Variants in ARSB observed in about 807,000 individuals in gnomAD.
ARSB encodes the protein arylsulfatase B, also known as N-acetylgalactosamine-4-sulfatase.
ARSB carries 41 observed loss-of-function variants against 50.9 expected under a neutral mutation model. That is an observed-to-expected ratio of 0.81 (90% CI 0.63 to 1.04). The LOEUF is 1.04. Among genes scored for constraint, ARSB ranks in the 50% least tolerant of loss-of-function variants. The pLI, the probability that ARSB is intolerant of heterozygous loss-of-function variation, is 0.00. For synonymous variants in ARSB, 269 were observed against 284.8 expected (o/e 0.94, Z 0.56); for missense variants, 672 against 693.3 (o/e 0.97, Z 0.35).
At chr5:78,832,322 T>G (rs2112698238) in intron 6 of ARSB, among the ~76,000 whole-genome samples, 1 of 152,300 alleles carries the variant, frequency 6.6e-6, no homozygotes, top group Non-Finnish European at 1.5e-5. Flanking sequence ...AGTGGACAGC[T>G]GGGAACCACC....
chr5:78,930,554 G>C (rs548029085), intron 4 of ARSB, among the ~76,000 whole-genome samples: 1 of 152,336 alleles, frequency 6.6e-6, no homozygotes, highest in East Asian at 1.9e-4. Flanking sequence ...ATTACAGTCA[G>C]TTAAGAGTGT....
At chr5:78,955,974 T>G (rs747330363) in intron 3 of ARSB, among the ~76,000 whole-genome samples, 4 of 152,286 alleles carry the variant, frequency 2.6e-5, no homozygotes, top group Non-Finnish European at 5.9e-5. Flanking sequence ...GAAGAAACAT[T>G]TTGGCAGTTC....
At chr5:78,791,740 T>C (rs1161446104) in intron 6 of ARSB, among the ~76,000 whole-genome samples, 1 of 152,266 alleles carries the variant, frequency 6.6e-6, no homozygotes, top group Admixed American at 6.5e-5. Flanking sequence ...TTAAAAATAA[T>C]CGTGGACCTA....
At chr5:78,850,592 T>A (rs1021246669) in intron 5 of ARSB, among the ~76,000 whole-genome samples, 9 of 152,178 alleles carry the variant, frequency 5.9e-5, no homozygotes, top group African/African-American at 1.9e-4. Flanking sequence ...TTAGGGAGGA[T>A]TCTCTCTTTT....
At chr5:78,976,961 T>G (rs1001984148) in intron 1 of ARSB, among the ~76,000 whole-genome samples, 3 of 152,170 alleles carry the variant, frequency 2.0e-5, no homozygotes, top group Admixed American at 6.5e-5. Context: ...GAGCTTTGCT[T>G]CTGTTGCTCC....
intron 4 of ARSB, 144 bp from the exon 5 acceptor site, chr5:78,885,971 C>A: frequency 7.5e-7 from 1 of 1,336,430 alleles, no homozygotes; most frequent in Non-Finnish European, 1.0e-6. Flanking sequence ...CCCTAAATTC[C>A]CTTTTCCCAT....
At chr5:78,893,429 G>C (rs1370012935) in intron 4 of ARSB, among the ~76,000 whole-genome samples, 1 of 150,446 alleles carries the variant, frequency 6.6e-6, no homozygotes, top group Non-Finnish European at 1.5e-5. Context: ...TGTTATAAAA[G>C]TTTGTAGTAA....
chr5:78,908,460 G>C (rs186533707), intron 4 of ARSB, among the ~76,000 whole-genome samples: 1 of 152,300 alleles, frequency 6.6e-6, no homozygotes, highest in East Asian at 1.9e-4. Flanking sequence ...AGCAGCAGCG[G>C]AGAGCACAGG....
At chr5:78,941,940 AT>A (rs1432036130) in intron 4 of ARSB, among the ~76,000 whole-genome samples, 1 of 152,098 alleles carries the variant, frequency 6.6e-6, no homozygotes, top group Admixed American at 6.6e-5. Context: ...TAAGCTATTG[AT>A]TATTGTCACA....
At chr5:78,946,196 A>C (rs1255764119) in intron 4 of ARSB, among the ~76,000 whole-genome samples, 1 of 152,202 alleles carries the variant, frequency 6.6e-6, no homozygotes, top group Admixed American at 6.5e-5. Context: ...GAAGGATTAG[A>C]AGTGTCATCC....
At chr5:78,811,487 G>C (rs1408016035) in intron 6 of ARSB, among the ~76,000 whole-genome samples, 1 of 152,160 alleles carries the variant, frequency 6.6e-6, no homozygotes, top group African/African-American at 2.4e-5. Context: ...TGAGGATTAT[G>C]AGACAAGGGT....
intron 5 of ARSB, among the ~76,000 whole-genome samples, chr5:78,851,635 G>A (rs890616187): frequency 3.9e-5 from 6 of 152,148 alleles, no homozygotes; most frequent in African/African-American, 1.4e-4. Flanking sequence ...CTGTCTCATT[G>A]ATCTGTTTAA....
intron 5 of ARSB, among the ~76,000 whole-genome samples, chr5:78,859,492 C>T (rs1338602693): frequency 2.0e-5 from 3 of 151,972 alleles, no homozygotes; most frequent in Admixed American, 1.3e-4. Context: ...TTAATATCCA[C>T]GAAGAATTAC....
intron 4 of ARSB, among the ~76,000 whole-genome samples, chr5:78,910,486 T>C (rs1749261053): frequency 6.6e-6 from 1 of 152,210 alleles, no homozygotes; most frequent in South Asian, 2.1e-4. Flanking sequence ...ATCATTGAAA[T>C]AGCATTGATT....
chr5:78,849,962 C>A (rs896478644), intron 5 of ARSB, among the ~76,000 whole-genome samples: 4 of 151,634 alleles, frequency 2.6e-5, no homozygotes, highest in Admixed American at 2.6e-4. Flanking sequence ...AGATTTGGGG[C>A]TGAGACGATG....
chr5:78,917,870 G>C (rs1404873426), intron 4 of ARSB, among the ~76,000 whole-genome samples: 1 of 152,186 alleles, frequency 6.6e-6, no homozygotes, highest in Non-Finnish European at 1.5e-5. Context: ...AATCAAGGAA[G>C]ACTAGATATA....
At chr5:78,787,418 G>A (rs573268016) in intron 6 of ARSB, among the ~76,000 whole-genome samples, 2 of 152,280 alleles carry the variant, frequency 1.3e-5, no homozygotes, top group East Asian at 3.9e-4. Flanking sequence ...AAACTGTCAG[G>A]ACCCAAGACA....
chr5:78,942,140 A>AT (rs1750963720), intron 4 of ARSB, among the ~76,000 whole-genome samples: 1 of 151,988 alleles, frequency 6.6e-6, no homozygotes, highest in African/African-American at 2.4e-5. Flanking sequence ...CCCCTTTATC[A>AT]TTTTTTATTG....
intron 5 of ARSB, among the ~76,000 whole-genome samples, chr5:78,879,454 C>T (rs932611523): frequency 6.6e-6 from 1 of 152,206 alleles, no homozygotes; most frequent in Non-Finnish European, 1.5e-5. Flanking sequence ...TTTCTTCTAA[C>T]ATTTTAATAT....
Sources: allele counts gnomAD v4.1 joint callset (sites outside exome capture counted in the v4.1 genomes callset), GRCh38; gene constraint gnomAD v4.1.1; transcripts MANE v1.5; gene names NCBI Gene and HGNC (gene_info 2026-07-23, HGNC 2026-07-21).